The following DTNA variants were observed in gnomAD, a reference collection of about 807,000 sequenced individuals.
The protein encoded by DTNA is dystrobrevin alpha.
A neutral mutation model predicts 100.7 loss-of-function variants in DTNA; 43 were observed. The ratio of observed to expected loss-of-function variants is 0.43; its 90% CI spans 0.33 to 0.55. DTNA has a LOEUF of 0.55. Among genes scored for constraint, DTNA ranks in the 20% least tolerant of loss-of-function variants. The probability of loss-of-function intolerance (pLI) is 0.04; values close to 1 mark genes in which losing one functional copy is unlikely to be tolerated. For synonymous variants in DTNA, 349 were observed against 347.9 expected, an observed-to-expected ratio of 1.00 and a Z score of -0.04; for missense variants, 798 against 953.9, an observed-to-expected ratio of 0.84 and a Z score of 2.15.
chr18:34,604,079 A>C (rs77442635), intron 1 of DTNA, among the ~76,000 whole-genome samples: 1 of 152,160 alleles, frequency 6.6e-6, no homozygotes, highest in Non-Finnish European at 1.5e-5. Context: ...AAATGAAGCA[A>C]TTGTTCCGTG....
chr18:34,536,932 T>G (rs1375746362), intron 1 of DTNA, among the ~76,000 whole-genome samples: 1 of 151,328 alleles, frequency 6.6e-6, no homozygotes, highest in Non-Finnish European at 1.5e-5. Flanking sequence ...GTATCTTTGT[T>G]GAGGTTCAGG....
intron 1 of DTNA, among the ~76,000 whole-genome samples, chr18:34,607,040 A>G (rs2053270167): frequency 6.6e-6 from 1 of 152,160 alleles, no homozygotes; most frequent in African/African-American, 2.4e-5. Context: ...ATAGCTCAAA[A>G]TGGCCTCCCA....
chr18:34,598,767 G>A lies in DTNA; in HGVS notation c.-2+105253G>A, dbSNP rs573474556. Reference sequence around the variant, plus strand: ...TGTAGTCCCAGCTACTTGGGAGGCTGAGGCAGGAGAATGGCATGAACCTGG... The same window carrying A: ...TGTAGTCCCAGCTACTTGGGAGGCTAAGGCAGGAGAATGGCATGAACCTGG... On this transcript the variant is annotated intron_variant, in intron 1 of 19. Transcript: ENST00000283365. 4.0e-4 allele frequency among the ~76,000 whole-genome samples: 61 copies of A among 152,230 alleles called. No individual in the cohort carries two copies. The South Asian group carries it at 0.011, about 27-fold the overall frequency.
intron 1 of DTNA, among the ~76,000 whole-genome samples, chr18:34,722,363 G>T (rs2085521572): frequency 6.6e-6 from 1 of 152,036 alleles, no homozygotes; most frequent in African/African-American, 2.4e-5. Context: ...ACAAGGCTGT[G>T]CATAGCAACA....
intron 17 of DTNA, among the ~76,000 whole-genome samples, chr18:34,865,716 A>G (rs2096693097): frequency 6.6e-6 from 1 of 152,212 alleles, no homozygotes. Context: ...CCCCTCAGTG[A>G]ATGACAGGAA....
chr18:34,742,998 G>A (rs2090982081), intron 1 of DTNA, among the ~76,000 whole-genome samples: 1 of 152,068 alleles, frequency 6.6e-6, no homozygotes, highest in East Asian at 1.9e-4. Context: ...CAAATTCTTG[G>A]CAATCACCAA....
intron 13 of DTNA, among the ~76,000 whole-genome samples, chr18:34,839,561 G>A (rs1046344699): frequency 3.9e-5 from 6 of 152,130 alleles, no homozygotes; most frequent in Non-Finnish European, 7.4e-5. Flanking sequence ...TTTGCAGCTT[G>A]AATTAAAGGA....
intron 16 of DTNA, among the ~76,000 whole-genome samples, chr18:34,862,649 G>T (rs1001499708): frequency 4.0e-5 from 6 of 151,868 alleles, no homozygotes; most frequent in Non-Finnish European, 8.8e-5. Context: ...AAGAAAAAAA[G>T]ATTAGTCAGG....
At chr18:34,814,640 T>G (rs2095556606) in intron 6 of DTNA, among the ~76,000 whole-genome samples, 1 of 151,864 alleles carries the variant, frequency 6.6e-6, no homozygotes, top group Non-Finnish European at 1.5e-5. Flanking sequence ...TGCAGTGAGC[T>G]ATAATTGTGC....
chr18:34,623,233 C>A (rs1384499132), intron 1 of DTNA, among the ~76,000 whole-genome samples: 1 of 152,104 alleles, frequency 6.6e-6, no homozygotes, highest in Non-Finnish European at 1.5e-5. Flanking sequence ...GAACAAAAAT[C>A]TGATTCAGGA....
intron 1 of DTNA, among the ~76,000 whole-genome samples, chr18:34,695,480 T>C (rs1485480801): frequency 2.6e-5 from 4 of 152,312 alleles, no homozygotes; most frequent in African/African-American, 9.6e-5. Flanking sequence ...AAGCTGTGGT[T>C]GCCTGGTAAC....
intron 1 of DTNA, among the ~76,000 whole-genome samples, chr18:34,727,591 T>C (rs1361536694): frequency 1.3e-5 from 2 of 152,010 alleles, no homozygotes; most frequent in Admixed American, 6.5e-5. Flanking sequence ...AGAGAGACAG[T>C]TTTGCTTTTG....
intron 15 of DTNA, among the ~76,000 whole-genome samples, chr18:34,854,564 G>A (rs1034722313): frequency 6.6e-6 from 1 of 152,206 alleles, no homozygotes; most frequent in Non-Finnish European, 1.5e-5. Context: ...GTGCCAGCTT[G>A]AGGCCTTAAT....
At chr18:34,834,061 A>G (rs1316412048) in intron 11 of DTNA, among the ~76,000 whole-genome samples, 2 of 152,234 alleles carry the variant, frequency 1.3e-5, no homozygotes, top group Non-Finnish European at 2.9e-5. Flanking sequence ...CTACAAAATC[A>G]AAGTTTAGAA....
At chr18:34,835,093 C>T (rs1421051926) in intron 11 of DTNA, among the ~76,000 whole-genome samples, 1 of 152,116 alleles carries the variant, frequency 6.6e-6, no homozygotes, top group African/African-American at 2.4e-5. Flanking sequence ...TTTCATCATG[C>T]ATTTGGCCTC....
intron 3 of DTNA, among the ~76,000 whole-genome samples, chr18:34,792,097 T>G (rs778689832): frequency 9.9e-5 from 15 of 152,234 alleles, no homozygotes; most frequent in African/African-American, 1.4e-4. Flanking sequence ...CCTGTTGTTT[T>G]TTTTTTTTTA....
chr18:34,558,392 C>T (rs1402820742), intron 1 of DTNA, among the ~76,000 whole-genome samples: 1 of 152,130 alleles, frequency 6.6e-6, no homozygotes, highest in Non-Finnish European at 1.5e-5. Context: ...TTGGCTCTTC[C>T]CCCCTAGTTT....
At chr18:34,509,920 A>G (rs934974909) in intron 1 of DTNA, among the ~76,000 whole-genome samples, 1 of 152,102 alleles carries the variant, frequency 6.6e-6, no homozygotes, top group African/African-American at 2.4e-5. Context: ...CAAGGAGGAA[A>G]AACAACTGAA....
chr18:34,723,989 G>A (rs2085997081), intron 1 of DTNA, among the ~76,000 whole-genome samples: 1 of 152,098 alleles, frequency 6.6e-6, no homozygotes, highest in Admixed American at 6.6e-5. Context: ...AAATCAAACT[G>A]TGACACCTAT....
Sources: gnomAD v4.1 joint callset for allele counts (sites outside exome capture counted in the v4.1 genomes callset) on GRCh38, gnomAD v4.1.1 for gene constraint, MANE v1.5 for transcripts, NCBI Gene and HGNC (gene_info 2026-07-23, HGNC 2026-07-21) for gene names.